Variants in METTL15 observed in about 807,000 individuals in gnomAD.
The protein encoded by METTL15 is 12S rRNA N(4)-cytidine methyltransferase METTL15.
METTL15 carries 34 observed loss-of-function variants against 38.3 expected under a neutral mutation model. The ratio of observed to expected loss-of-function variants is 0.89; its 90% confidence interval spans 0.68 to 1.18. METTL15 has a LOEUF of 1.18. METTL15 is among the 50% of genes most tolerant of loss of function. The pLI is 0.00. For synonymous variants in METTL15, 162 were observed against 170.9 expected (o/e 0.95, Z 0.41); for missense variants, 438 against 498.4 (o/e 0.88, Z 1.15).
At chr11:28,304,587 A>G (rs939203263) in intron 6 of METTL15, among the ~76,000 whole-genome samples, 7 of 152,034 alleles carry the variant, frequency 4.6e-5, no homozygotes, top group African/African-American at 1.4e-4. Context: ...GTGGTGGTGC[A>G]TTCCTGCAGT....
chr11:28,138,647 A>G (rs1003142000), intron 3 of METTL15, among the ~76,000 whole-genome samples: 1 of 152,194 alleles, frequency 6.6e-6, no homozygotes, highest in Non-Finnish European at 1.5e-5. Context: ...CAAATTCTAA[A>G]AGTCACACAG....
At chr11:28,158,339 C>T (rs917532471) in intron 3 of METTL15, among the ~76,000 whole-genome samples, 1 of 152,170 alleles carries the variant, frequency 6.6e-6, no homozygotes. Flanking sequence ...TGCAATGCGC[C>T]TGTGAACAAA....
chr11:28,349,982 T>C (rs2133360388), intron 3 of METTL15, among the ~76,000 whole-genome samples: 1 of 152,324 alleles, frequency 6.6e-6, no homozygotes, highest in South Asian at 2.1e-4. Flanking sequence ...GCAGAGTTTT[T>C]CTCTTTCCCT....
downstream of METTL15, among the ~76,000 whole-genome samples, chr11:28,528,582 A>C (rs1038271294): frequency 1.3e-5 from 2 of 152,236 alleles, no homozygotes; most frequent in African/African-American, 4.8e-5. Context: ...CCAACGGTCC[A>C]ATTTTTTCAA....
chr11:28,414,260 C>T (rs1177540158), intron 5 of METTL15, among the ~76,000 whole-genome samples: 3 of 152,004 alleles, frequency 2.0e-5, no homozygotes. Context: ...AAGCAAGGAG[C>T]AGGAAACATA....
intron 4 of METTL15, chr11:28,261,292 T>C (rs1014316268): frequency 6.6e-6 from 1 of 152,192 alleles, no homozygotes; most frequent in African/African-American, 2.4e-5. Context: ...TGAGAGCTTC[T>C]TTGGAGATTT....
At chr11:28,440,204 G>A (rs374484105) in intron 6 of METTL15, among the ~76,000 whole-genome samples, 11 of 152,064 alleles carry the variant, frequency 7.2e-5, no homozygotes, top group African/African-American at 2.7e-4. Flanking sequence ...CAAGTTATTC[G>A]TGTTACTAGA....
chr11:28,315,862 G>A (rs1447552989), intron 6 of METTL15, among the ~76,000 whole-genome samples: 4 of 152,266 alleles, frequency 2.6e-5, no homozygotes, highest in Non-Finnish European at 4.4e-5. Context: ...CTTCTATGTG[G>A]TGTTGAGCCT....
chr11:28,390,732 G>A lies in METTL15; in HGVS notation c.*358+28696G>A, dbSNP rs865831202. Among the ~76,000 whole-genome samples, 18 of 151,844 alleles carry A rather than the reference G, an allele frequency of 1.2e-4. 1 individual carries two copies. The highest frequency in any genetic ancestry group is 4.1e-4 in the African/African-American group (17 of 41,474). On this transcript the variant is annotated intron_variant and NMD_transcript_variant, in intron 5 of 7. Coordinates refer to the METTL15 transcript ENST00000532947. The stretch of plus-strand genomic sequence containing the variant: ...TGCGGACTCTTTTTTGGTTCCATAT[G>A]CACTTTAAAGTAGTTTTTTCCAATT...
At chr11:28,124,025 C>G in intron 3 of METTL15, 1 of 496,412 alleles carries the variant, frequency 2.0e-6, no homozygotes, top group South Asian at 8.3e-5. Context: ...CTGTGCTTTT[C>G]ATTAATACTA....
At chr11:28,448,930 A>G (rs1027083567) in intron 6 of METTL15, among the ~76,000 whole-genome samples, 10 of 152,180 alleles carry the variant, frequency 6.6e-5, no homozygotes, top group Non-Finnish European at 1.3e-4. Flanking sequence ...TGCCTGTGGA[A>G]ATAATTTGCA....
At chr11:28,205,970 T>A (rs1363025984) in intron 3 of METTL15, among the ~76,000 whole-genome samples, 5 of 145,828 alleles carry the variant, frequency 3.4e-5, no homozygotes, top group African/African-American at 1.3e-4. Flanking sequence ...TTTTTTCTTG[T>A]AAATTTGTTT....
chr11:28,172,768 T>A (rs1459268176), intron 3 of METTL15, among the ~76,000 whole-genome samples: 1 of 152,222 alleles, frequency 6.6e-6, no homozygotes, highest in Non-Finnish European at 1.5e-5. Flanking sequence ...TTTTCTAATA[T>A]CAGTCCTATG....
intron 4 of METTL15, among the ~76,000 whole-genome samples, chr11:28,218,040 G>T (rs1852986403): frequency 6.6e-6 from 1 of 152,018 alleles, no homozygotes; most frequent in Non-Finnish European, 1.5e-5. Context: ...TGGCGATGTG[G>T]GCTCTTTTTT....
intron 6 of METTL15, among the ~76,000 whole-genome samples, chr11:28,452,997 C>T (rs1288494743): frequency 4.6e-5 from 7 of 152,186 alleles, no homozygotes; most frequent in Admixed American, 3.9e-4. Flanking sequence ...TCTAATCTTG[C>T]TCCTTAGAAG....
At chr11:28,335,156 C>A (rs1242541011), downstream of METTL15, among the ~76,000 whole-genome samples, 1 of 152,164 alleles carries the variant, frequency 6.6e-6, no homozygotes, top group Non-Finnish European at 1.5e-5. Context: ...TAACACTTGT[C>A]TGCCTTGCAC....
chr11:28,219,932 G>A lies in METTL15; in HGVS notation c.407+8734G>A, dbSNP rs146129738. ...TGCACTATGGTCTGAGAGACAGTTC[G>A]TTATAATTTCTGTTCTTTAACATTT... On this transcript the variant is annotated intron_variant, in intron 4 of 6. Coordinates refer to ENST00000407364, the MANE Select transcript of METTL15 (RefSeq NM_001113528.2). 8.5e-3 allele frequency among the ~76,000 whole-genome samples: 1,291 copies of A among 152,208 alleles called. 80 individuals carry two copies. The highest frequency in any genetic ancestry group is 0.072 in the Admixed American group (1,107 of 15,288).
At chr11:28,215,412 A>T (rs1167658516) in intron 4 of METTL15, among the ~76,000 whole-genome samples, 1 of 151,954 alleles carries the variant, frequency 6.6e-6, no homozygotes, top group African/African-American at 2.4e-5. Flanking sequence ...CCCACGTTGG[A>T]GAAGAGGGAA....
intron 6 of METTL15, among the ~76,000 whole-genome samples, chr11:28,437,147 A>G (rs1850990292): frequency 2.0e-5 from 3 of 152,112 alleles, no homozygotes; most frequent in Admixed American, 1.3e-4. Flanking sequence ...GGGCTGCACT[A>G]TCAGCTTCCC....
Sources: allele counts gnomAD v4.1 joint callset (sites outside exome capture counted in the v4.1 genomes callset), GRCh38; gene constraint gnomAD v4.1.1; transcripts MANE v1.5; gene names NCBI Gene and HGNC (gene_info 2026-07-23, HGNC 2026-07-21).